FILIP1: variants seen among roughly 807,000 people sequenced by gnomAD.
FILIP1 encodes the protein filamin A interacting protein 1.
FILIP1 carries 61 observed loss-of-function variants against 102.1 expected under a neutral mutation model. That is an observed-to-expected ratio of 0.60 (90% confidence interval 0.49 to 0.74). The LOEUF (loss-of-function observed/expected upper bound fraction) is 0.74, where lower values mean the gene tolerates loss of function less well. FILIP1 is among the 30% of genes least tolerant of loss of function. The probability of loss-of-function intolerance (pLI) is 0.00; values close to 1 mark genes in which losing one functional copy is unlikely to be tolerated. For synonymous variants in FILIP1, 491 were observed against 526.9 expected (o/e 0.93, Z 0.93); for missense variants, 1,314 against 1,441.2 (o/e 0.91, Z 1.43).
chr6:75,372,766 GAAAGAA>G (rs1425616412), intron 2 of FILIP1, among the ~76,000 whole-genome samples: 2 of 101,790 alleles, frequency 2.0e-5, no homozygotes, highest in Admixed American at 9.7e-5. Context: ...AAGAAAGAAA[GAAAGAA>G]AGAAAGAAAG....
At chr6:75,430,092 C>T (rs56796169) in intron 1 of FILIP1, among the ~76,000 whole-genome samples, 29,212 of 152,002 alleles carry the variant, frequency 0.19, 2,775 homozygotes, top group South Asian at 0.23. Context: ...CATTTTCCCC[C>T]ATGCTGTTCT....
At chr6:75,393,879 T>C (rs553921234) in intron 2 of FILIP1, among the ~76,000 whole-genome samples, 3 of 152,350 alleles carry the variant, frequency 2.0e-5, no homozygotes, top group African/African-American at 4.8e-5. Context: ...CTTTCTACTT[T>C]GTCCTGTTTC....
At chr6:75,362,409 G>A (rs903814327) in intron 3 of FILIP1, among the ~76,000 whole-genome samples, 4 of 152,154 alleles carry the variant, frequency 2.6e-5, no homozygotes, top group Non-Finnish European at 5.9e-5. Flanking sequence ...AATCCTGACA[G>A]CTCAATGTTA....
At chr6:75,319,621 G>C (rs1480412962) in intron 4 of FILIP1, 20 of 435,120 alleles carry the variant, frequency 4.6e-5, no homozygotes, top group Admixed American at 1.7e-4. Flanking sequence ...ACAAGGTCAG[G>C]AGATCGAGAC....
At chr6:75,324,067 A>G (rs2149567933) in intron 4 of FILIP1, among the ~76,000 whole-genome samples, 1 of 152,308 alleles carries the variant, frequency 6.6e-6, no homozygotes, top group South Asian at 2.1e-4. Context: ...GTGTCTTTGT[A>G]GCAGTGTGAA....
intron 4 of FILIP1, among the ~76,000 whole-genome samples, chr6:75,341,739 T>C (rs1774426132): frequency 6.6e-6 from 1 of 152,240 alleles, no homozygotes; most frequent in South Asian, 2.1e-4. Flanking sequence ...TCTAATTGTT[T>C]GCAGCAGGTT....
chr6:75,326,011 G>A (rs1773835525), intron 4 of FILIP1, among the ~76,000 whole-genome samples: 1 of 152,034 alleles, frequency 6.6e-6, no homozygotes, highest in South Asian at 2.1e-4. Flanking sequence ...CAGCCTGAAT[G>A]CCCATCAACC....
chr6:75,314,092 T>C lies in FILIP1; in HGVS notation c.1740A>G (p.Lys580=). The change falls in exon 5 of 6, where the codon AAA becomes AAG. Residue 580 remains lysine (K), a synonymous_variant. Transcript: ENST00000237172. ...ATTCAGAGGATTTTTCTTCTTCACT[T>C]TTCAATTTGCCTATCAACTCATCTC... ...RERDELIGKL[K]SEEEKSSELS... is the part of the protein sequence containing the mutation. 2 of 1,504,176 alleles carry C rather than the reference T, an allele frequency of 1.3e-6. No individual in the cohort carries two copies. The highest frequency in any genetic ancestry group is 1.8e-6 in the Non-Finnish European group (2 of 1,134,402). The allele number at this position is 1,504,176 out of a possible 1,614,324, so 93.2% of individuals were successfully genotyped here.
At chr6:75,467,228 C>T (rs1002045988) in intron 1 of FILIP1, among the ~76,000 whole-genome samples, 1 of 152,142 alleles carries the variant, frequency 6.6e-6, no homozygotes, top group African/African-American at 2.4e-5. Flanking sequence ...TATTTTCCAG[C>T]TTTATTGAAG....
At chr6:75,437,762 A>G (rs1277664812) in intron 1 of FILIP1, among the ~76,000 whole-genome samples, 1 of 152,184 alleles carries the variant, frequency 6.6e-6, no homozygotes, top group African/African-American at 2.4e-5. Context: ...AAGAACCGAG[A>G]ATTAGTCATT....
intron 2 of FILIP1, 85 bp downstream of exon 2, chr6:75,414,612 T>A: frequency 7.8e-7 from 1 of 1,286,922 alleles, no homozygotes; most frequent in Non-Finnish European, 1.1e-6. Context: ...AGTTCATTAC[T>A]CAGAGAGGGG....
rs772967207 is a variant in FILIP1, at chr6:75,313,508, T to A, written c.2324A>T (p.Glu775Val). 2.5e-6 allele frequency: 4 copies of A among 1,614,210 alleles called. No individual in the cohort carries two copies. The Admixed American group carries it at 5.0e-5, about 20-fold the overall frequency. Residue 775 changes from glutamate (E) to valine (V), a missense_variant, in exon 5 of 6, where the codon GAG becomes GTG. Physicochemically the swap from Glu to Val is moderately radical, Grantham distance 121 (BLOSUM62 -2). Transcript: ENST00000237172. This position sits in a 1 kb window ranked among gnomAD's most constrained non-coding sequence, Gnocchi z 4.2. ...MGQEVLNLTKELELSKRYSRA... is the reference protein window; with the variant it reads ...MGQEVLNLTKVLELSKRYSRA... ...GCTGTAGCGCTTGGAAAGCTCCAAC[T>A]CTTTGGTCAGATTGAGAACCTCCTG...
chr6:75,365,850 G>A (rs893211595), intron 2 of FILIP1, among the ~76,000 whole-genome samples: 7 of 152,048 alleles, frequency 4.6e-5, no homozygotes, highest in African/African-American at 9.7e-5. Flanking sequence ...ATAAAACAAA[G>A]GCAAATAATT....
intron 1 of FILIP1, among the ~76,000 whole-genome samples, chr6:75,491,185 G>A (rs140086807): frequency 2.9e-4 from 44 of 152,238 alleles, no homozygotes; most frequent in African/African-American, 1.0e-3. Context: ...AGTAGGCAAA[G>A]TTTCTACAGG....
At chr6:75,337,700 T>A (rs1774289810) in intron 4 of FILIP1, among the ~76,000 whole-genome samples, 1 of 152,180 alleles carries the variant, frequency 6.6e-6, no homozygotes, top group African/African-American at 2.4e-5. Context: ...GATTCCACCT[T>A]GGAAGCTTGG....
intron 1 of FILIP1, among the ~76,000 whole-genome samples, chr6:75,431,191 T>A (rs1777811460): frequency 6.6e-6 from 1 of 152,190 alleles, no homozygotes; most frequent in Non-Finnish European, 1.5e-5. Flanking sequence ...CAAGGAACGT[T>A]CTATAGTTAC....
intron 2 of FILIP1, among the ~76,000 whole-genome samples, chr6:75,367,849 A>G (rs1775390729): frequency 6.6e-6 from 1 of 152,234 alleles, no homozygotes; most frequent in African/African-American, 2.4e-5. Context: ...TAATTTTTCT[A>G]TAAAAGAATA....
At chr6:75,386,664 T>C (rs530049689) in intron 2 of FILIP1, among the ~76,000 whole-genome samples, 2 of 152,176 alleles carry the variant, frequency 1.3e-5, no homozygotes, top group Non-Finnish European at 2.9e-5. Flanking sequence ...GGCGTTGCTT[T>C]TCCTAGCCAC....
At chr6:75,483,932 A>G (rs761850964) in intron 1 of FILIP1, among the ~76,000 whole-genome samples, 52 of 152,186 alleles carry the variant, frequency 3.4e-4, no homozygotes, top group Non-Finnish European at 6.2e-4. Context: ...TAAAATATAT[A>G]GTATATGTGT....
Sources: allele counts gnomAD v4.1 joint callset (sites outside exome capture counted in the v4.1 genomes callset), GRCh38; gene constraint gnomAD v4.1.1; non-coding constraint Gnocchi (gnomAD v3.1); transcripts MANE v1.5; gene names NCBI Gene and HGNC (gene_info 2026-07-23, HGNC 2026-07-21).